The following PPP3CC variants were observed in gnomAD, a reference collection of about 807,000 sequenced individuals.
PPP3CC encodes serine/threonine-protein phosphatase 2B catalytic subunit gamma isoform.
In PPP3CC, 35 loss-of-function variants were observed where a neutral mutation model predicts 60.3. That is an observed-to-expected ratio of 0.58 (90% CI 0.44 to 0.77). PPP3CC has a LOEUF of 0.77. PPP3CC is among the 30% of genes least tolerant of loss of function. The pLI, the probability that PPP3CC is intolerant of heterozygous loss-of-function variation, is 0.00. For synonymous variants in PPP3CC, 206 were observed against 224.3 expected (o/e 0.92, Z 0.73); for missense variants, 570 against 628.9 (o/e 0.91, Z 1.00).
chr8:22,503,270 T>C (rs145011773), intron 4 of PPP3CC, among the ~76,000 whole-genome samples: 1 of 152,248 alleles, frequency 6.6e-6, no homozygotes, highest in African/African-American at 2.4e-5. Context: ...AAATGGGAAA[T>C]ATTTTATTTT....
At chr8:22,447,315 G>T (rs1309916474) in intron 1 of PPP3CC, among the ~76,000 whole-genome samples, 1 of 151,632 alleles carries the variant, frequency 6.6e-6, no homozygotes, top group African/African-American at 2.4e-5. Context: ...GAGTAGCTGG[G>T]ACTACAGGCA....
chr8:22,486,136 T>TA (rs1218641047), intron 3 of PPP3CC, among the ~76,000 whole-genome samples: 2 of 152,164 alleles, frequency 1.3e-5, no homozygotes, highest in Non-Finnish European at 2.9e-5. Flanking sequence ...GTTAATGATA[T>TA]AAATACCTTA....
intron 10 of PPP3CC, chr8:22,531,456 GTA>G: frequency 1.0e-6 from 1 of 962,526 alleles, no homozygotes; most frequent in Non-Finnish European, 1.6e-6. Context: ...CAGTTTTAAT[GTA>G]TATGTTTTCT....
intron 5 of PPP3CC, among the ~76,000 whole-genome samples, chr8:22,512,085 T>C (rs1350261096): frequency 6.6e-6 from 1 of 152,236 alleles, no homozygotes; most frequent in Non-Finnish European, 1.5e-5. Flanking sequence ...ATGGTTGTCT[T>C]ATCTTCTCTA....
In PPP3CC at chr8:22,528,545, A is replaced by T. The variant is rs1330570515; in HGVS notation, c.1109A>T (p.Asp370Val). 2 of 1,566,272 alleles carry T rather than the reference A, an allele frequency of 1.3e-6. No individual in the cohort carries two copies. Among genetic ancestry groups the T allele is most frequent in the South Asian group, 1.2e-5 (1 of 80,084 alleles). ...GTAAATGTGCTCAACATATGCTCTG[A>T]TGACGAACTGATTTCTGATGATGAA... ...MLVNVLNICS[D>V]DELISDDEAE... Residue 370 changes from aspartate (D) to valine (V), a missense_variant, in exon 10 of 14, where the codon GAT (aspartate) becomes GTT (valine). Physicochemically the swap from Asp to Val is radical, Grantham distance 152. Transcript: ENST00000240139.
At chr8:22,448,416 G>C (rs1205857382) in intron 1 of PPP3CC, among the ~76,000 whole-genome samples, 1 of 125,798 alleles carries the variant, frequency 7.9e-6, no homozygotes, top group African/African-American at 3.3e-5. Flanking sequence ...TTTCGCTCTT[G>C]TTGCCCAGGC....
intron 1 of PPP3CC, among the ~76,000 whole-genome samples, chr8:22,450,901 C>G (rs1186972306): frequency 2.7e-5 from 4 of 149,662 alleles, no homozygotes; most frequent in Non-Finnish European, 5.9e-5. Flanking sequence ...AGTGGCGCCA[C>G]CACGGCTCAC....
At chr8:22,464,193 G>A (rs1194303383) in intron 1 of PPP3CC, among the ~76,000 whole-genome samples, 1 of 151,774 alleles carries the variant, frequency 6.6e-6, no homozygotes, top group Non-Finnish European at 1.5e-5. Context: ...ATTTAATAAA[G>A]CAAAGAGTTC....
intron 1 of PPP3CC, among the ~76,000 whole-genome samples, chr8:22,449,447 C>CAAAAA (rs35113938): frequency 2.2e-4 from 13 of 59,642 alleles, no homozygotes; most frequent in Admixed American, 7.4e-4. Flanking sequence ...GACCCCATCT[C>CAAAAA]AAAAAAAAAA....
chr8:22,512,529 A>G (rs904774882), intron 5 of PPP3CC, among the ~76,000 whole-genome samples: 2 of 152,218 alleles, frequency 1.3e-5, no homozygotes, highest in African/African-American at 4.8e-5. Flanking sequence ...CAAAATTAGC[A>G]TTCTTTAAAA....
At position 22,451,187 on chromosome 8, in the gene PPP3CC, G is replaced by A. The variant is rs552924523; in HGVS notation, c.49+9729G>A. ...GTCTCACTCTGTCTCCCAGGCTGGA[G>A]TGCAGTGGCGCCATCTTGGCTCACT... On this transcript the variant is annotated intron_variant, in intron 1 of 13. Coordinates refer to ENST00000240139, the MANE Select transcript of PPP3CC (RefSeq NM_005605.5). Among the ~76,000 whole-genome samples, 4 of 151,068 alleles carry A rather than the reference G, an allele frequency of 2.6e-5. No homozygotes were observed. In the South Asian group the frequency reaches 8.4e-4, roughly 32 times the overall value.
chr8:22,479,743 CAAAAA>C (rs76119074), intron 3 of PPP3CC, among the ~76,000 whole-genome samples: 1 of 54,240 alleles, frequency 1.8e-5, no homozygotes, highest in South Asian at 6.2e-4. Flanking sequence ...GACTCTGTCT[CAAAAA>C]AAAAAAAAAA....
intron 1 of PPP3CC, among the ~76,000 whole-genome samples, chr8:22,442,491 G>T (rs1836701357): frequency 1.3e-5 from 2 of 152,176 alleles, no homozygotes; most frequent in Non-Finnish European, 2.9e-5. Flanking sequence ...GGAGGGGGAA[G>T]AATTTTAGTG....
At chr8:22,491,763 AATTTG>A (rs1838412267) in intron 3 of PPP3CC, among the ~76,000 whole-genome samples, 1 of 152,156 alleles carries the variant, frequency 6.6e-6, no homozygotes, top group Non-Finnish European at 1.5e-5. Flanking sequence ...GATTTGATGT[AATTTG>A]ATTAAAGAAA....
At chr8:22,472,467 T>G (rs1837759319) in intron 1 of PPP3CC, among the ~76,000 whole-genome samples, 1 of 150,404 alleles carries the variant, frequency 6.6e-6, no homozygotes, top group East Asian at 2.0e-4. Flanking sequence ...CCCCTACATC[T>G]TTATCCACTG....
intron 10 of PPP3CC, among the ~76,000 whole-genome samples, chr8:22,530,891 T>C (rs991547393): frequency 4.4e-5 from 6 of 136,160 alleles, no homozygotes; most frequent in Non-Finnish European, 9.8e-5. Flanking sequence ...AGAGAAGCTA[T>C]AGAATCCATT....
chr8:22,497,097 T>C (rs1838611734), intron 3 of PPP3CC, among the ~76,000 whole-genome samples: 1 of 152,166 alleles, frequency 6.6e-6, no homozygotes, highest in Non-Finnish European at 1.5e-5. Context: ...TGGCATGATC[T>C]TGGCTTATGG....
intron 3 of PPP3CC, among the ~76,000 whole-genome samples, chr8:22,494,885 G>A (rs186882489): frequency 1.3e-5 from 2 of 152,252 alleles, no homozygotes; most frequent in South Asian, 2.1e-4. Context: ...ACATACATAT[G>A]AATTTCATAT....
At chr8:22,510,947 A>T in intron 4 of PPP3CC, 139 bp from the exon 5 acceptor site, 1 of 940,794 alleles carries the variant, frequency 1.1e-6, no homozygotes, top group Admixed American at 2.6e-5. Context: ...TTTCAAAAGT[A>T]TCTTTACAAA....
Sources: gnomAD v4.1 joint callset for allele counts (sites outside exome capture counted in the v4.1 genomes callset) on GRCh38, gnomAD v4.1.1 for gene constraint, MANE v1.5 for transcripts, NCBI Gene and HGNC (gene_info 2026-07-23, HGNC 2026-07-21) for gene names.